The following ZDHHC21 variants were observed in gnomAD, a reference collection of about 807,000 sequenced individuals.
ZDHHC21 encodes zDHHC palmitoyltransferase 21.
In ZDHHC21, 15 loss-of-function variants were observed where a neutral mutation model predicts 34.6. That is an observed-to-expected ratio of 0.43 (90% CI 0.29 to 0.67). ZDHHC21 has a LOEUF of 0.67. Among genes scored for constraint, ZDHHC21 ranks in the 30% least tolerant of loss-of-function variants. The pLI, the probability that ZDHHC21 is intolerant of heterozygous loss-of-function variation, is 0.14. For synonymous variants in ZDHHC21, 142 were observed against 101.8 expected, an observed-to-expected ratio of 1.40 and a Z score of -2.38; for missense variants, 344 against 327.7, an observed-to-expected ratio of 1.05 and a Z score of -0.38.
chr9:14,683,209 G>C (rs1258837060), intron 2 of ZDHHC21, among the ~76,000 whole-genome samples: 1 of 150,470 alleles, frequency 6.6e-6, no homozygotes, highest in Non-Finnish European at 1.5e-5. Context: ...AGGAGATAGA[G>C]AGACAAAAAA....
intron 8 of ZDHHC21, among the ~76,000 whole-genome samples, chr9:14,633,790 G>A (rs1289137814): frequency 6.6e-6 from 1 of 152,156 alleles, no homozygotes; most frequent in African/African-American, 2.4e-5. Flanking sequence ...GGCACTGCCA[G>A]GCTGAAGTAC....
intron 8 of ZDHHC21, among the ~76,000 whole-genome samples, chr9:14,634,560 C>A (rs569184657): frequency 1.1e-4 from 16 of 152,292 alleles, no homozygotes; most frequent in African/African-American, 3.6e-4. Context: ...ACACCCTAAG[C>A]CACTGATGAA....
chr9:14,598,324 A>G, the ZDHHC21 span, among the ~76,000 whole-genome samples: 8 of 152,280 alleles, frequency 5.3e-5, no homozygotes, highest in South Asian at 1.7e-3. Flanking sequence ...GCCACTGTGA[A>G]CTGACAGACA....
intron 5 of ZDHHC21, among the ~76,000 whole-genome samples, chr9:14,664,746 C>A (rs1156385566): frequency 1.3e-5 from 2 of 152,162 alleles, no homozygotes; most frequent in South Asian, 2.1e-4. Context: ...ACACTGACAT[C>A]TCACACAGCA....
chr9:14,640,525 C>A (rs1456157022), intron 7 of ZDHHC21, among the ~76,000 whole-genome samples: 1 of 152,090 alleles, frequency 6.6e-6, no homozygotes, highest in South Asian at 2.1e-4. Context: ...ATAATAGGAT[C>A]ATAAGTACAG....
At chr9:14,668,538 T>C (rs1344937267) in intron 5 of ZDHHC21, among the ~76,000 whole-genome samples, 34 of 142,038 alleles carry the variant, frequency 2.4e-4, no homozygotes, top group African/African-American at 4.9e-4. Flanking sequence ...GAGCCCGCAT[T>C]GCCAAGTCAA....
At chr9:14,647,750 C>T (rs1169001923) in intron 7 of ZDHHC21, among the ~76,000 whole-genome samples, 1 of 152,102 alleles carries the variant, frequency 6.6e-6, no homozygotes, top group African/African-American at 2.4e-5. Flanking sequence ...AGTCACCTTT[C>T]TTATTACCTT....
At chr9:14,619,161 A>C in intron 9 of ZDHHC21, 63 bp from the exon 10 acceptor site, 1 of 1,519,726 alleles carries the variant, frequency 6.6e-7, no homozygotes, top group African/African-American at 1.4e-5. Flanking sequence ...GTCAGCTAAA[A>C]CAATACAGAT....
chr9:14,665,010 C>A (rs1423435785), intron 5 of ZDHHC21, among the ~76,000 whole-genome samples: 2 of 132,256 alleles, frequency 1.5e-5, no homozygotes, highest in Non-Finnish European at 3.2e-5. Context: ...ATGACTTTGA[C>A]GAGCTGAGAG....
intron 7 of ZDHHC21, among the ~76,000 whole-genome samples, chr9:14,657,453 C>T (rs1173588496): frequency 1.1e-4 from 17 of 152,028 alleles, no homozygotes; most frequent in Admixed American, 1.1e-3. Context: ...AGGCTTTAAT[C>T]CTAGGTATGT....
At chr9:14,621,004 CAT>C (rs1289729394) in intron 8 of ZDHHC21, among the ~76,000 whole-genome samples, 3 of 151,988 alleles carry the variant, frequency 2.0e-5, no homozygotes, top group Non-Finnish European at 2.9e-5. Flanking sequence ...AGTCTACAAA[CAT>C]ATGAGAACAC....
At position 14,693,321 on chromosome 9, in the gene ZDHHC21, G is replaced by A. The variant is rs1312148009; in HGVS notation, c.-317C>T. On this transcript the variant is annotated 5_prime_UTR_variant, in exon 1 of 10. Coordinates refer to ENST00000380916, the MANE Select transcript of ZDHHC21 (RefSeq NM_178566.6). The stretch of plus-strand genomic sequence containing the variant: ...TGCCGCGCCACCTCCGCCTCCTCCG[G>A]CGCCGCCGCCCAGGCCGGGCCGCTC... 3 of 416,326 alleles carry A rather than the reference G, an allele frequency of 7.2e-6. No homozygotes were observed. The highest frequency in any genetic ancestry group is 1.4e-5 in the Non-Finnish European group (3 of 211,208). The allele number at this position is 416,326 out of a possible 1,614,324, so 25.8% of individuals were successfully genotyped here. A position where few individuals can be genotyped will look rare whatever the true frequency, so the allele number is the denominator to read the frequency against.
chr9:14,671,957 CAT>C (rs887108388), intron 5 of ZDHHC21, among the ~76,000 whole-genome samples: 3 of 151,982 alleles, frequency 2.0e-5, no homozygotes, highest in Admixed American at 6.6e-5. Context: ...TATAAACAAA[CAT>C]GTAACTATTT....
chr9:14,636,137 A>C (rs1045362478), intron 8 of ZDHHC21, among the ~76,000 whole-genome samples: 1 of 152,188 alleles, frequency 6.6e-6, no homozygotes. Flanking sequence ...AAATAAACAA[A>C]CAAACATGAC....
chr9:14,626,740 T>G (rs1351600446), intron 8 of ZDHHC21, among the ~76,000 whole-genome samples: 1 of 151,928 alleles, frequency 6.6e-6, no homozygotes, highest in Admixed American at 6.6e-5. Context: ...TTTTATAAAC[T>G]TATCATATAC....
At chr9:14,608,079 C>G (rs1361517343), downstream of ZDHHC21, among the ~76,000 whole-genome samples, 1 of 152,132 alleles carries the variant, frequency 6.6e-6, no homozygotes, top group Non-Finnish European at 1.5e-5. Context: ...ATCCAAAAAC[C>G]CTTCATACTG....
Position 14,674,194 on chromosome 9 carries a change from T to C in ZDHHC21, c.147A>G (p.Leu49=), listed in dbSNP as rs771163252. The change falls in exon 4 of 10, where the codon TTA becomes TTG. Residue 49 remains leucine, a synonymous_variant. Coordinates refer to ENST00000380916, the MANE Select transcript of ZDHHC21 (RefSeq NM_178566.6). ...HYEEGHIPGI[L]IIIFYGISIF... ...AAAGATCAAGAAACTTACTTATTATTAATATGCCTGGAATATGTCCTTCTT... is the reference window on the plus strand; with the variant it reads ...AAAGATCAAGAAACTTACTTATTATCAATATGCCTGGAATATGTCCTTCTT... 6 of 1,497,704 alleles carry C rather than the reference T, an allele frequency of 4.0e-6. No homozygotes were observed. The highest frequency in any genetic ancestry group is 1.5e-5 in the South Asian group (1 of 68,896). 92.8% of individuals were successfully genotyped at this position (1,497,704 alleles called of 1,614,324 possible). A position where few individuals can be genotyped will look rare whatever the true frequency, so the allele number is the denominator to read the frequency against.
intron 5 of ZDHHC21, among the ~76,000 whole-genome samples, chr9:14,666,561 A>T (rs1219467373): frequency 9.7e-6 from 1 of 102,870 alleles, no homozygotes; most frequent in Non-Finnish European, 2.2e-5. Flanking sequence ...TTTCAGCACC[A>T]CACCACACCT....
chr9:14,605,203 CA>C, the ZDHHC21 span, among the ~76,000 whole-genome samples: 1 of 103,062 alleles, frequency 9.7e-6, no homozygotes, highest in African/African-American at 3.1e-5. Flanking sequence ...ATCCTGGTTT[CA>C]TTTTTTTTTT....
Sources: gnomAD v4.1 joint callset for allele counts (sites outside exome capture counted in the v4.1 genomes callset) on GRCh38, gnomAD v4.1.1 for gene constraint, MANE v1.5 for transcripts, NCBI Gene and HGNC (gene_info 2026-07-23, HGNC 2026-07-21) for gene names.